Variants in CPA6 observed in about 807,000 individuals in gnomAD.
The protein encoded by CPA6 is carboxypeptidase B.
CPA6 carries 58 observed loss-of-function variants against 63.3 expected under a neutral mutation model. The ratio of observed to expected loss-of-function variants is 0.92; its 90% confidence interval spans 0.74 to 1.14. The LOEUF (loss-of-function observed/expected upper bound fraction) is 1.14, where lower values mean the gene tolerates loss of function less well. Ranked by LOEUF, CPA6 falls within the 50% of genes most tolerant of loss-of-function variation. The probability of loss-of-function intolerance (pLI) is 0.00; values close to 1 mark genes in which losing one functional copy is unlikely to be tolerated. For synonymous variants in CPA6, 185 were observed against 179.0 expected (o/e 1.03, Z -0.27); for missense variants, 565 against 526.6 (o/e 1.07, Z -0.71).
intron 1 of CPA6, among the ~76,000 whole-genome samples, chr8:67,652,094 T>G (rs1291637605): frequency 1.3e-5 from 2 of 152,228 alleles, no homozygotes; most frequent in Admixed American, 1.3e-4. Context: ...TATGGCTGCA[T>G]AGTATTCCAT....
chr8:67,437,263 C>T (rs1411169280), intron 8 of CPA6, among the ~76,000 whole-genome samples: 3 of 152,080 alleles, frequency 2.0e-5, no homozygotes, highest in African/African-American at 4.8e-5. Context: ...GGTGTGGTGG[C>T]GGGGGCCTGT....
intron 8 of CPA6, among the ~76,000 whole-genome samples, chr8:67,475,904 T>C (rs1484194464): frequency 2.0e-5 from 2 of 98,810 alleles, no homozygotes; most frequent in Admixed American, 1.0e-4. Context: ...CTTTCTTTCT[T>C]TCTTTCTTTC....
chr8:67,541,487 A>G (rs2128970901), intron 2 of CPA6, among the ~76,000 whole-genome samples: 1 of 152,100 alleles, frequency 6.6e-6, no homozygotes, highest in East Asian at 1.9e-4. Context: ...TTCCGTTCTG[A>G]TTACTGGTGC....
chr8:67,670,467 C>T (rs532204020), intron 1 of CPA6, among the ~76,000 whole-genome samples: 33 of 152,170 alleles, frequency 2.2e-4, no homozygotes, highest in African/African-American at 7.5e-4. Context: ...GAGATTTGGA[C>T]GGGGACACAG....
At chr8:67,459,207 T>C (rs1810744892) in intron 8 of CPA6, among the ~76,000 whole-genome samples, 1 of 152,172 alleles carries the variant, frequency 6.6e-6, no homozygotes, top group African/African-American at 2.4e-5. Context: ...GTATTTTTAG[T>C]AGAGATGGGG....
chr8:67,632,906 A>G lies in CPA6; in HGVS notation c.117-8655T>C, dbSNP rs1333036550. ...AATATTTGAAAAGAATATCTTTCGT[A>G]TATAAAAAGGTCTATATATACCTAT... On this transcript the variant is annotated intron_variant, in intron 1 of 10. Transcript: ENST00000297770. Among the ~76,000 whole-genome samples the G allele has an allele frequency of 3.3e-5, 5 of 152,242 alleles. 1 individual carries two copies. The highest frequency in any genetic ancestry group is 7.3e-5 in the Non-Finnish European group (5 of 68,040).
chr8:67,612,424 A>G (rs893946149), intron 2 of CPA6, among the ~76,000 whole-genome samples: 3 of 152,198 alleles, frequency 2.0e-5, no homozygotes, highest in African/African-American at 4.8e-5. Flanking sequence ...ACTCCCAAAG[A>G]TCACAATCTC....
At chr8:67,440,652 C>T (rs1259197991) in intron 8 of CPA6, among the ~76,000 whole-genome samples, 6 of 152,090 alleles carry the variant, frequency 3.9e-5, no homozygotes, top group Admixed American at 6.6e-5. Flanking sequence ...ATAGAATGTA[C>T]TTATGCAAAT....
Position 67,511,562 on chromosome 8 carries a change from T to G in CPA6, c.411A>C (p.Glu137Asp). 2 of 1,602,702 alleles carry G rather than the reference T, an allele frequency of 1.2e-6. No individual in the cohort carries two copies. Among genetic ancestry groups the G allele is most frequent in the Non-Finnish European group, 1.7e-6 (2 of 1,169,764 alleles). The stretch of plus-strand genomic sequence containing the variant: ...ATACTTCTTCTAAGGAGTGATAAAC[T>G]TCATAATTATATCCAGAGAGGGATC... ...NRRSLSGYNY[E>D]VYHSLEEIQN... Residue 137 changes from glutamate to aspartate, a missense_variant, in exon 4 of 11, where the codon GAA (glutamate) becomes GAC (aspartate). Coordinates refer to ENST00000297770, the MANE Select transcript of CPA6 (RefSeq NM_020361.5).
chr8:67,687,789 A>C (rs897919021), intron 1 of CPA6, among the ~76,000 whole-genome samples: 9 of 152,172 alleles, frequency 5.9e-5, no homozygotes, highest in Non-Finnish European at 1.0e-4. Context: ...AGATAAGGAT[A>C]GCAGCCGTCT....
At chr8:67,698,991 A>G (rs1360812013) in intron 1 of CPA6, among the ~76,000 whole-genome samples, 1 of 152,222 alleles carries the variant, frequency 6.6e-6, no homozygotes, top group Admixed American at 6.5e-5. Context: ...AAGCAGTGCA[A>G]TCCACTACAT....
At chr8:67,728,458 G>GCA (rs1380178516) in intron 1 of CPA6, among the ~76,000 whole-genome samples, 2 of 152,018 alleles carry the variant, frequency 1.3e-5, no homozygotes, top group African/African-American at 4.8e-5. Flanking sequence ...TTTATAGCCG[G>GCA]CACAAAAGGG....
intron 8 of CPA6, among the ~76,000 whole-genome samples, chr8:67,459,781 C>T (rs1232311375): frequency 5.3e-5 from 8 of 152,136 alleles, no homozygotes; most frequent in African/African-American, 1.9e-4. Context: ...TAATGCAGTC[C>T]AATTCCAAAG....
chr8:67,509,472 A>T, intron 5 of CPA6, 45 bp downstream of exon 5: 1 of 900,562 alleles, frequency 1.1e-6, no homozygotes, highest in Non-Finnish European at 1.8e-6. Flanking sequence ...AAAGATGGAT[A>T]TTTGGTAAAC....
intron 6 of CPA6, among the ~76,000 whole-genome samples, chr8:67,504,617 T>C (rs116803742): frequency 0.03 from 4,610 of 152,236 alleles, 229 homozygotes; most frequent in African/African-American, 0.1. Flanking sequence ...CCAACAGCCA[T>C]GTGAGTGAGC....
intron 8 of CPA6, among the ~76,000 whole-genome samples, chr8:67,467,022 G>T (rs11774013): frequency 0.47 from 71,019 of 151,962 alleles, 19,437 homozygotes; most frequent in African/African-American, 0.78. Context: ...TTTTTATCAA[G>T]TTTTGTGGCT....
chr8:67,435,064 G>GTA (rs1368483324), intron 8 of CPA6, among the ~76,000 whole-genome samples: 3 of 152,196 alleles, frequency 2.0e-5, no homozygotes, highest in Non-Finnish European at 4.4e-5. Flanking sequence ...TTCCCTTTCT[G>GTA]TACTGTCCGC....
intron 1 of CPA6, among the ~76,000 whole-genome samples, chr8:67,674,527 G>T (rs1816424226): frequency 6.6e-6 from 1 of 152,206 alleles, no homozygotes; most frequent in Non-Finnish European, 1.5e-5. Context: ...AACAACAGAT[G>T]CTGGCGAGGC....
intron 2 of CPA6, among the ~76,000 whole-genome samples, chr8:67,586,469 G>C (rs909126605): frequency 1.3e-5 from 2 of 152,154 alleles, no homozygotes; most frequent in African/African-American, 4.8e-5. Flanking sequence ...AGTATTTTAA[G>C]TATAAACAAG....
Sources: gnomAD v4.1 joint callset for allele counts (sites outside exome capture counted in the v4.1 genomes callset) on GRCh38, gnomAD v4.1.1 for gene constraint, MANE v1.5 for transcripts, NCBI Gene and HGNC (gene_info 2026-07-23, HGNC 2026-07-21) for gene names.